INSR: variants seen among roughly 807,000 people sequenced by gnomAD.
INSR encodes the protein insulin receptor.
INSR carries 67 observed loss-of-function variants against 142.6 expected under a neutral mutation model. The observed-to-expected ratio is 0.47, with a 90% CI of 0.39 to 0.58. The LOEUF is 0.58. INSR is among the 20% of genes least tolerant of loss of function. INSR has a pLI of 0.00. For synonymous variants in INSR, 756 were observed against 743.1 expected, an observed-to-expected ratio of 1.02 and a Z score of -0.28; for missense variants, 1,248 against 1,833.2, an observed-to-expected ratio of 0.68 and a Z score of 5.83.
chr19:7,131,643 G>C (rs1452674534), intron 14 of INSR, among the ~76,000 whole-genome samples: 4 of 147,410 alleles, frequency 2.7e-5, no homozygotes, highest in Non-Finnish European at 4.5e-5. Context: ...ACCGTGCCCA[G>C]CCACAATTTA....
intron 2 of INSR, among the ~76,000 whole-genome samples, chr19:7,256,051 C>T (rs1600099427): frequency 6.6e-6 from 1 of 152,052 alleles, no homozygotes; most frequent in South Asian, 2.1e-4. Context: ...CTTTCCTGCT[C>T]TACAAAATCC....
At chr19:7,153,413 ACACACAC>A (rs1165540737) in intron 9 of INSR, among the ~76,000 whole-genome samples, 2 of 35,020 alleles carry the variant, frequency 5.7e-5, no homozygotes, top group Admixed American at 3.1e-4. Context: ...TACACACTTC[ACACACAC>A]CACACACCAC....
intron 2 of INSR, among the ~76,000 whole-genome samples, chr19:7,200,422 G>A (rs1417755541): frequency 6.6e-6 from 1 of 152,146 alleles, no homozygotes; most frequent in Non-Finnish European, 1.5e-5. Flanking sequence ...TTGAGGTGTG[G>A]AGTTCAAGAT....
chr19:7,133,067 A>C (rs1037360368), intron 13 of INSR, among the ~76,000 whole-genome samples: 2 of 151,816 alleles, frequency 1.3e-5, no homozygotes, highest in African/African-American at 4.8e-5. Context: ...TTAGAGACCA[A>C]CCTGGGCAAC....
chr19:7,179,251 T>A (rs1213882560), intron 3 of INSR, among the ~76,000 whole-genome samples: 1 of 152,216 alleles, frequency 6.6e-6, no homozygotes, highest in Non-Finnish European at 1.5e-5. Context: ...TAGTAAATTA[T>A]GAAACCCAAA....
chr19:7,221,110 A>G (rs1975597070), intron 2 of INSR, among the ~76,000 whole-genome samples: 1 of 152,176 alleles, frequency 6.6e-6, no homozygotes, highest in Non-Finnish European at 1.5e-5. Flanking sequence ...GCAGTGGCTC[A>G]CGCCTGTAAT....
intron 15 of INSR, among the ~76,000 whole-genome samples, chr19:7,128,484 C>G (rs1343316713): frequency 2.6e-5 from 4 of 151,764 alleles, no homozygotes; most frequent in South Asian, 2.1e-4. Context: ...AAAGTGCTAG[C>G]ATTACAGGTG....
intron 14 of INSR, among the ~76,000 whole-genome samples, chr19:7,130,642 G>A (rs920265298): frequency 2.6e-5 from 4 of 152,106 alleles, no homozygotes; most frequent in African/African-American, 9.7e-5. Flanking sequence ...ATGATTGAAA[G>A]TTTCTTGAGG....
At position 7,150,202 on chromosome 19, in the gene INSR, G is replaced by C. The variant is rs1013297520; in HGVS notation, c.2267+295C>G. Reference sequence around the variant, plus strand: ...CACGCGGGAGGTGCAGAGATGTTTAGTGAGCAAACAGTGGCTGCAAACAGA... The same window carrying C: ...CACGCGGGAGGTGCAGAGATGTTTACTGAGCAAACAGTGGCTGCAAACAGA... On this transcript the variant is annotated intron_variant, in intron 11 of 21. Coordinates refer to ENST00000302850, the MANE Select transcript of INSR (RefSeq NM_000208.4). The surrounding 1 kb of genome is among the most constrained non-coding windows in gnomAD (Gnocchi z 4.2). Among the ~76,000 whole-genome samples, 2 of 152,160 alleles carry C rather than the reference G, an allele frequency of 1.3e-5. No homozygotes were observed. Among genetic ancestry groups the C allele is most frequent in the African/African-American group, 2.4e-5 (1 of 41,454 alleles).
chr19:7,128,079 C>T (rs1488187339), intron 15 of INSR, among the ~76,000 whole-genome samples: 2 of 151,884 alleles, frequency 1.3e-5, no homozygotes, highest in African/African-American at 2.4e-5. Context: ...AACTTAAAAG[C>T]GTGTCATGTC....
rs1213662683 is a variant in INSR, at chr19:7,168,777, T to TG, written c.1484-684_1484-683insC. Among the ~76,000 whole-genome samples, 4 of 151,862 alleles carry TG rather than the reference T, an allele frequency of 2.6e-5. No individual in the cohort carries two copies. The highest frequency in any genetic ancestry group is 5.9e-5 in the Non-Finnish European group (4 of 67,950). ...ACGTCCAGCTAGTTTTTGTATTTTTTTTTTTTAGTAGAGATGGAGTTTCAC... is the reference window on the plus strand; with the variant it reads ...ACGTCCAGCTAGTTTTTGTATTTTTTGTTTTTTAGTAGAGATGGAGTTTCAC... On this transcript the variant is annotated intron_variant, in intron 6 of 21. Coordinates refer to ENST00000302850, the MANE Select transcript of INSR (RefSeq NM_000208.4). The surrounding 1 kb of genome is among the most constrained non-coding windows in gnomAD (Gnocchi z 4.3).
In INSR at chr19:7,150,397, C is replaced by A; in HGVS notation, c.2267+100G>T. 9.2e-7 allele frequency: 1 copy of A among 1,090,188 alleles called. No homozygotes were observed. The highest frequency in any genetic ancestry group is 1.4e-6 in the Non-Finnish European group (1 of 717,474). The allele number at this position is 1,090,188 out of a possible 1,614,324, so 67.5% of individuals were successfully genotyped here. A position where few individuals can be genotyped will look rare whatever the true frequency, so the allele number is the denominator to read the frequency against. On this transcript the variant is annotated intron_variant, in intron 11 of 21. Transcript: ENST00000302850. This position sits in a 1 kb window ranked among gnomAD's most constrained non-coding sequence, Gnocchi z 4.2. ...CTCCAGCACAGCTGCCCGCCGCATGCAAAAAGCCACAGAAACCCCTGGGTT... is the reference window on the plus strand; with the variant it reads ...CTCCAGCACAGCTGCCCGCCGCATGAAAAAAGCCACAGAAACCCCTGGGTT...
In INSR at chr19:7,153,286, ACACACCGC is replaced by A. The variant is rs1973472422; in HGVS notation, c.2030-367_2030-360del. Among the ~76,000 whole-genome samples the A allele has an allele frequency of 1.6e-5, 2 of 126,542 alleles. 1 individual carries two copies. The highest frequency in any genetic ancestry group is 3.4e-5 in the Non-Finnish European group (2 of 59,384). 83.0% of individuals were successfully genotyped at this position (126,542 alleles called of 152,430 possible). On this transcript the variant is annotated intron_variant, in intron 9 of 21. Coordinates refer to ENST00000302850, the MANE Select transcript of INSR (RefSeq NM_000208.4). Reference sequence around the variant, plus strand: ...ACATGCACACCTCACACACCACACCACACACCGCACACACACCACACAAATCACACACA... The same window carrying A: ...ACATGCACACCTCACACACCACACCAACACACACCACACAAATCACACACA...
intron 1 of INSR, chr19:7,268,501 GC>G (rs1967811253): frequency 1.0e-6 from 1 of 985,024 alleles, no homozygotes; most frequent in Non-Finnish European, 1.2e-6. Flanking sequence ...TCCCTCCCAG[GC>G]CCCAACGCCC....
intron 9 of INSR, among the ~76,000 whole-genome samples, chr19:7,162,143 A>G (rs928796730): frequency 1.3e-5 from 2 of 151,738 alleles, no homozygotes; most frequent in African/African-American, 4.8e-5. Flanking sequence ...CCTGGCCAAC[A>G]TGGTGAAACC....
intron 2 of INSR, among the ~76,000 whole-genome samples, chr19:7,240,076 A>G (rs1976295138): frequency 6.6e-6 from 1 of 152,200 alleles, no homozygotes; most frequent in South Asian, 2.1e-4. Context: ...ACGTGTGGCC[A>G]GTCAGAACTG....
chr19:7,191,310 AAAGAAAGAAAGAAAAAGAAAGAAAG>A (rs1974580589), intron 2 of INSR, among the ~76,000 whole-genome samples: 5 of 144,056 alleles, frequency 3.5e-5, no homozygotes, highest in Admixed American at 2.9e-4. Flanking sequence ...AAGAAAAGAG[AAAGAAAGAAAGAAAAAGAAAGAAAG>A]AAAGAAAGAA....
intron 3 of INSR, among the ~76,000 whole-genome samples, chr19:7,178,072 C>A (rs902077069): frequency 6.6e-6 from 1 of 152,004 alleles, no homozygotes; most frequent in African/African-American, 2.4e-5. Context: ...TGCTGTTGTT[C>A]TCACACTCCT....
chr19:7,194,678 ATTTTT>A (rs35692691), intron 2 of INSR, among the ~76,000 whole-genome samples: 7 of 111,296 alleles, frequency 6.3e-5, no homozygotes, highest in African/African-American at 7.1e-5. Context: ...ACACCAACTG[ATTTTT>A]TTTTTTTTTT....
Sources: allele counts gnomAD v4.1 joint callset (sites outside exome capture counted in the v4.1 genomes callset), GRCh38; gene constraint gnomAD v4.1.1; non-coding constraint Gnocchi (gnomAD v3.1); transcripts MANE v1.5; gene names NCBI Gene and HGNC (gene_info 2026-07-23, HGNC 2026-07-21).